The following OPHN1 variants were observed in gnomAD, a reference collection of about 807,000 sequenced individuals.
OPHN1 encodes oligophrenin-1.
A neutral mutation model predicts 60.7 loss-of-function variants in OPHN1; 11 were observed. The observed-to-expected ratio is 0.18, with a 90% CI of 0.11 to 0.30. The LOEUF (loss-of-function observed/expected upper bound fraction) is 0.30. OPHN1 is among the 10% of genes least tolerant of loss of function. The pLI is 1.00. For synonymous variants in OPHN1, 226 were observed against 222.6 expected (o/e 1.02, Z -0.14); for missense variants, 449 against 611.0 (o/e 0.73, Z 2.80).
chrX:68,082,757 A>T (rs956913371), intron 19 of OPHN1, among the ~76,000 whole-genome samples: 1 of 112,234 alleles, frequency 8.9e-6, no homozygotes, highest in African/African-American at 3.2e-5. Context: ...CCTTGGCTTC[A>T]CCAGCTGCAT....
Position 68,201,467 on chromosome X carries a change from C to T in OPHN1, c.1025+152G>A, listed in dbSNP as rs999626203. 1.0e-5 allele frequency: 5 copies of T among 492,480 alleles called. No individual in the cohort carries two copies. In the East Asian group the frequency reaches 1.8e-4, roughly 17 times the overall value. 40.6% of individuals were successfully genotyped at this position (492,480 alleles called of 1,213,427 possible). ...TAGCAGGGATCCCTGGGAAGGGCAG[C>T]CAGAAGAGCTGGCTTGAATAGACTC... On this transcript the variant is annotated intron_variant, in intron 11 of 24. Transcript: ENST00000355520.
chrX:68,245,746 G>A (rs1462963239), intron 5 of OPHN1, among the ~76,000 whole-genome samples: 1 of 112,503 alleles, frequency 8.9e-6, no homozygotes, highest in African/African-American at 3.2e-5. Context: ...TCCATTGATA[G>A]TCATGCCCTC....
chrX:68,347,442 T>C (rs934216255), intron 2 of OPHN1, among the ~76,000 whole-genome samples: 1 of 111,138 alleles, frequency 9.0e-6, no homozygotes, highest in Non-Finnish European at 1.9e-5. Flanking sequence ...CTCAGCCTCC[T>C]GAGTAGCTGT....
chrX:68,092,937 T>C (rs1377320763), intron 19 of OPHN1, among the ~76,000 whole-genome samples: 1 of 111,421 alleles, frequency 9.0e-6, no homozygotes. Flanking sequence ...CAATGAATCA[T>C]CATATAATGA....
At chrX:68,202,241 G>C (rs949479232) in intron 10 of OPHN1, among the ~76,000 whole-genome samples, 11 of 111,724 alleles carry the variant, frequency 9.8e-5, no homozygotes, top group Non-Finnish European at 2.1e-4. Flanking sequence ...AAATGTAATC[G>C]CTCCAAAGGT....
intron 15 of OPHN1, among the ~76,000 whole-genome samples, chrX:68,142,265 A>G (rs1387340241): frequency 1.8e-5 from 2 of 112,605 alleles, no homozygotes; most frequent in Non-Finnish European, 3.7e-5. Flanking sequence ...TAGGTGTTAT[A>G]TAAATGTAAA....
At chrX:68,244,637 C>A (rs1193665121) in intron 5 of OPHN1, among the ~76,000 whole-genome samples, 1 of 112,441 alleles carries the variant, frequency 8.9e-6, no homozygotes, top group Non-Finnish European at 1.9e-5. Flanking sequence ...ACTGGATCAA[C>A]TCCTTTTATT....
At chrX:68,386,032 C>T (rs2078622775) in intron 2 of OPHN1, among the ~76,000 whole-genome samples, 1 of 111,988 alleles carries the variant, frequency 8.9e-6, no homozygotes, top group Admixed American at 9.6e-5. Context: ...ATTTTTAATG[C>T]CTGCTCTGAA....
At chrX:68,069,368 A>T (rs1250930530) in intron 20 of OPHN1, among the ~76,000 whole-genome samples, 1 of 111,715 alleles carries the variant, frequency 9.0e-6, no homozygotes, top group East Asian at 2.8e-4. Context: ...ATATTTGGGG[A>T]GACTGTAAAT....
intron 2 of OPHN1, among the ~76,000 whole-genome samples, chrX:68,359,748 C>A (rs1011669784): frequency 8.8e-5 from 9 of 102,806 alleles, no homozygotes; most frequent in African/African-American, 2.9e-4. Context: ...CCCAGCTACT[C>A]GGGAGGTTGA....
intron 9 of OPHN1, chrX:68,209,949 A>G (rs1350687222): frequency 4.2e-6 from 2 of 471,518 alleles, no homozygotes; most frequent in East Asian, 3.9e-5. Flanking sequence ...TTATCACTAC[A>G]CAGCCTTTGT....
chrX:68,408,130 A>G (rs1016266350), intron 2 of OPHN1, among the ~76,000 whole-genome samples: 1 of 112,206 alleles, frequency 8.9e-6, no homozygotes, highest in African/African-American at 3.2e-5. Flanking sequence ...TGGTTTTTGG[A>G]TGACTCCACT....
At chrX:68,352,105 C>T (rs1421931715) in intron 2 of OPHN1, among the ~76,000 whole-genome samples, 1 of 108,858 alleles carries the variant, frequency 9.2e-6, no homozygotes, top group Non-Finnish European at 1.9e-5. Context: ...GATCTCCTGA[C>T]CTCGTGATCT....
chrX:68,164,249 C>G lies in OPHN1; in HGVS notation c.1276+28670G>C, dbSNP rs191974531. Reference sequence around the variant, plus strand: ...CTTAATGGCATCTACAATGGTGAACCCTTTCCAGGTTTTCAATATACTCTG... The same window carrying G: ...CTTAATGGCATCTACAATGGTGAACGCTTTCCAGGTTTTCAATATACTCTG... On this transcript the variant is annotated intron_variant, in intron 15 of 24. Transcript: ENST00000355520. Among the ~76,000 whole-genome samples the G allele has an allele frequency of 5.4e-5, 6 of 111,861 alleles. 1 individual carries two copies. Among genetic ancestry groups the G allele is most frequent in the Admixed American group, 1.9e-4 (2 of 10,521 alleles).
At chrX:68,208,394 C>T (rs1469066817) in intron 9 of OPHN1, among the ~76,000 whole-genome samples, 3 of 111,859 alleles carry the variant, frequency 2.7e-5, no homozygotes, top group African/African-American at 9.7e-5. Flanking sequence ...CCGGCCATTC[C>T]TCCTTTTCTT....
intron 16 of OPHN1, among the ~76,000 whole-genome samples, chrX:68,116,591 T>A (rs956189130): frequency 9.0e-6 from 1 of 111,456 alleles, no homozygotes; most frequent in Non-Finnish European, 1.9e-5. Flanking sequence ...TGATCACCAA[T>A]TTTTTAGTTC....
At chrX:68,092,718 C>A (rs1287791468) in intron 19 of OPHN1, among the ~76,000 whole-genome samples, 3 of 111,593 alleles carry the variant, frequency 2.7e-5, no homozygotes, top group Non-Finnish European at 5.7e-5. Flanking sequence ...ACATAATATG[C>A]TTTGGACATA....
At chrX:68,140,699 T>C (rs1211025703) in intron 15 of OPHN1, among the ~76,000 whole-genome samples, 1 of 109,141 alleles carries the variant, frequency 9.2e-6, no homozygotes, top group Non-Finnish European at 1.9e-5. Flanking sequence ...TCCACCCAAA[T>C]AATTGCCTTT....
intron 2 of OPHN1, among the ~76,000 whole-genome samples, chrX:68,430,281 T>C (rs185680965): frequency 8.9e-5 from 10 of 111,864 alleles, no homozygotes; most frequent in Admixed American, 4.8e-4. Flanking sequence ...GGAAACATCC[T>C]ACCTTTGCCT....
Sources: allele counts gnomAD v4.1 joint callset (sites outside exome capture counted in the v4.1 genomes callset), GRCh38; gene constraint gnomAD v4.1.1; transcripts MANE v1.5; gene names NCBI Gene and HGNC (gene_info 2026-07-23, HGNC 2026-07-21).